The following GET4 variants were observed in gnomAD, a reference collection of about 807,000 sequenced individuals.
GET4 encodes guided entry of tail-anchored proteins factor 4, also known as Golgi to ER traffic protein 4 homolog.
GET4 carries 20 observed loss-of-function variants against 40.0 expected under a neutral mutation model. The ratio of observed to expected loss-of-function variants is 0.50; its 90% CI spans 0.35 to 0.73. The LOEUF is 0.73. Among genes scored for constraint, GET4 ranks in the 30% least tolerant of loss-of-function variants. The pLI is 0.01. For synonymous variants in GET4, 280 were observed against 194.6 expected, an observed-to-expected ratio of 1.44 and a Z score of -3.65; for missense variants, 557 against 454.0, an observed-to-expected ratio of 1.23 and a Z score of -2.06.
chr7:890,902 T>C, intron 4 of GET4, 26 bp from the exon 5 acceptor site: 3 of 1,556,444 alleles, frequency 1.9e-6, no homozygotes, highest in Non-Finnish European at 2.7e-6. Context: ...GAAATGTATT[T>C]ACATTTTTCT....
chr7:891,587 T>C (rs941323948), intron 5 of GET4, among the ~76,000 whole-genome samples: 3 of 152,178 alleles, frequency 2.0e-5, no homozygotes, highest in Admixed American at 2.0e-4. Context: ...CGCTGCCTGC[T>C]CCAGGGGCTG....
chr7:894,007 C>T, intron 8 of GET4, 36 bp downstream of exon 8: 1 of 1,459,346 alleles, frequency 6.9e-7, no homozygotes, highest in Non-Finnish European at 9.3e-7. Context: ...CCACTCCAGC[C>T]CTGGGTCGGT....
Position 876,685 on chromosome 7 carries a change from C to G in GET4, c.40C>G (p.Arg14Gly). ...GGCGATGGCCGAGCAGGAGAGCGCC[C>G]GGAACGGCGGCCGCAACCGCGGCGG... Reference protein sequence around the residue: ...AAAMAEQESARNGGRNRGGVQ... With the variant: ...AAAMAEQESAGNGGRNRGGVQ... The change falls in exon 1 of 9, where the codon CGG (arginine) becomes GGG (glycine). Residue 14 changes from arginine (R) to glycine (G), a missense_variant. Coordinates refer to ENST00000265857, the MANE Select transcript of GET4 (RefSeq NM_015949.3). 7.4e-7 allele frequency: 1 copy of G among 1,345,756 alleles called. No individual in the cohort carries two copies. Among genetic ancestry groups the G allele is most frequent in the East Asian group, 3.6e-5 (1 of 28,052 alleles). 83.4% of individuals were successfully genotyped at this position (1,345,756 alleles called of 1,614,324 possible). A position where few individuals can be genotyped will look rare whatever the true frequency, so the allele number is the denominator to read the frequency against.
chr7:876,638 C>A lies in GET4; in HGVS notation c.-8C>A, dbSNP rs921651504. 2.4e-6 allele frequency: 3 copies of A among 1,253,902 alleles called. No individual in the cohort carries two copies. Among genetic ancestry groups the A allele is most frequent in the Admixed American group, 4.5e-5 (1 of 22,050 alleles). 77.7% of individuals were successfully genotyped at this position (1,253,902 alleles called of 1,614,324 possible). ...GACAGCGTCAGCCCTGCGCGGAGCG[C>A]CGGCCCGATGGCGGCGGCGGCGGCG... On this transcript the variant is annotated 5_prime_UTR_variant, in exon 1 of 9. Transcript: ENST00000265857.
intron 8 of GET4, among the ~76,000 whole-genome samples, chr7:894,797 A>G (rs973473603): frequency 2.6e-5 from 4 of 152,162 alleles, no homozygotes; most frequent in Non-Finnish European, 4.4e-5. Context: ...TGGGTTCAGG[A>G]GACTTTTGGA....
At chr7:892,199 A>T in intron 5 of GET4, 79 bp from the exon 6 acceptor site, 1 of 1,462,060 alleles carries the variant, frequency 6.8e-7, no homozygotes, top group East Asian at 2.3e-5. Context: ...CTTGGGAAGG[A>T]CATGTCGGAG....
chr7:891,114 C>T (rs755282296), intron 5 of GET4, 48 bp downstream of exon 5: 5 of 1,510,066 alleles, frequency 3.3e-6, no homozygotes, highest in Non-Finnish European at 4.5e-6. Flanking sequence ...GCTGCCTTGG[C>T]TGGGCAGCCT....
In GET4 at chr7:895,617, A is replaced by G; in HGVS notation, c.*195A>G. 2 of 442,494 alleles carry G rather than the reference A, an allele frequency of 4.5e-6. No homozygotes were observed. The highest frequency in any genetic ancestry group is 3.8e-5 in the South Asian group (1 of 26,560). The allele number at this position is 442,494 out of a possible 1,614,324, so 27.4% of individuals were successfully genotyped here. A position where few individuals can be genotyped will look rare whatever the true frequency, so the allele number is the denominator to read the frequency against. The stretch of plus-strand genomic sequence containing the variant: ...GCTCACTGTGCTGCTGGGACCCAAG[A>G]GTGGGGCGTCGCCCCTGCTGGCCGC... On this transcript the variant is annotated 3_prime_UTR_variant, in exon 9 of 9. Transcript: ENST00000265857.
intron 6 of GET4, among the ~76,000 whole-genome samples, 199 bp from the exon 7 acceptor site, chr7:893,541 G>A (rs1268325306): frequency 7.0e-6 from 1 of 143,782 alleles, no homozygotes; most frequent in Non-Finnish European, 1.5e-5. Context: ...AGGCGTGGTG[G>A]TGTGTGCAGG....
At chr7:889,106 C>A (rs890976387) in intron 4 of GET4, among the ~76,000 whole-genome samples, 8 of 152,262 alleles carry the variant, frequency 5.3e-5, no homozygotes, top group African/African-American at 1.9e-4. Context: ...ATCTCCCCAC[C>A]CACCACGGGA....
chr7:883,360 C>T (rs559287708), intron 1 of GET4: 6 of 231,760 alleles, frequency 2.6e-5, no homozygotes, highest in Admixed American at 6.5e-5. Flanking sequence ...AGCCAGCTTC[C>T]GTCTGCCAAG....
intron 1 of GET4, chr7:878,162 G>C: frequency 2.3e-6 from 1 of 426,698 alleles, no homozygotes; most frequent in Non-Finnish European, 4.9e-6. Flanking sequence ...TAGCCTGGAG[G>C]GCGAGCGCGA....
Position 884,039 on chromosome 7 carries a change from G to A in GET4, c.156-2017G>A, listed in dbSNP as rs1216594400. 3 of 1,169,970 alleles carry A rather than the reference G, an allele frequency of 2.6e-6. No individual in the cohort carries two copies. In the Admixed American group the frequency reaches 1.1e-4, roughly 44 times the overall value. The allele number at this position is 1,169,970 out of a possible 1,614,324, so 72.5% of individuals were successfully genotyped here. A position where few individuals can be genotyped will look rare whatever the true frequency, so the allele number is the denominator to read the frequency against. ...CCGTGACCATCGGCAGTGCCCCCCA[G>A]AGCAGGCTCCTCGTGCAGGAATATG... On this transcript the variant is annotated intron_variant, in intron 1 of 8. Transcript: ENST00000265857.
At chr7:887,756 C>T (rs931489370) in intron 4 of GET4, among the ~76,000 whole-genome samples, 2 of 152,314 alleles carry the variant, frequency 1.3e-5, no homozygotes, top group East Asian at 1.9e-4. Flanking sequence ...TCCCGTGGGA[C>T]GTTCTGACCC....
chr7:895,385 A>C lies in GET4; in HGVS notation c.947A>C (p.Glu316Ala). ...TCCTCAGAGCAGGAGGATGGGGAGG[A>C]GAGCCCCAGCGACGGCAGCCCCATC... ...MGSSEQEDGEESPSDGSPIEL... is the reference protein window; with the variant it reads ...MGSSEQEDGEASPSDGSPIEL... The change falls in exon 9 of 9, where the codon GAG (glutamate) becomes GCG (alanine). Residue 316 changes from glutamate to alanine, a missense_variant. Glu to Ala is a moderately radical substitution (Grantham distance 107). Transcript: ENST00000265857. 6.3e-7 allele frequency: 1 copy of C among 1,599,334 alleles called. No homozygotes were observed. The highest frequency in any genetic ancestry group is 8.6e-7 in the Non-Finnish European group (1 of 1,168,486).
At chr7:879,039 T>G (rs568447632) in intron 1 of GET4, among the ~76,000 whole-genome samples, 212 of 152,084 alleles carry the variant, frequency 1.4e-3, no homozygotes, top group Non-Finnish European at 2.7e-3. Flanking sequence ...GCCTGGTGTG[T>G]GGGGGGATGA....
Position 892,356 on chromosome 7 carries a change from C to T in GET4, c.684C>T (p.Asp228=), listed in dbSNP as rs766332540. 4.7e-5 allele frequency: 75 copies of T among 1,595,186 alleles called. 1 individual carries two copies. The Middle Eastern group carries it at 5.2e-4, about 11-fold the overall frequency. ...TYTQKHPSIE[D]GPPFVEPLLN... ...CCCAGAAGCACCCGTCCATCGAGGA[C>T]GGGCCTCCGTTTGTGGAGCCGCTGC... The change falls in exon 6 of 9, where the codon GAC becomes GAT. Residue 228 remains aspartate, a synonymous_variant. Coordinates refer to ENST00000265857, the MANE Select transcript of GET4 (RefSeq NM_015949.3).
At chr7:879,222 C>T (rs917311016) in intron 1 of GET4, among the ~76,000 whole-genome samples, 1 of 152,252 alleles carries the variant, frequency 6.6e-6, no homozygotes, top group African/African-American at 2.4e-5. Flanking sequence ...CACCGTCTGT[C>T]ACGCCCAACC....
At position 895,795 on chromosome 7, in the gene GET4, C is replaced by T. The variant is rs538483587; in HGVS notation, c.*373C>T. On this transcript the variant is annotated 3_prime_UTR_variant, in exon 9 of 9. Coordinates refer to ENST00000265857, the MANE Select transcript of GET4 (RefSeq NM_015949.3). ...TGCGCACATCACGCTCCTTGCCGGG[C>T]GTCCGGCACAGCTGCGGTCACCAAA... The T allele has an allele frequency of 8.7e-5, 14 of 161,382 alleles. No individual in the cohort carries two copies. The highest frequency in any genetic ancestry group is 1.7e-4 in the East Asian group (1 of 5,792). The allele number at this position is 161,382 out of a possible 1,614,324, so 10.0% of individuals were successfully genotyped here.
Sources: allele counts gnomAD v4.1 joint callset (sites outside exome capture counted in the v4.1 genomes callset), GRCh38; gene constraint gnomAD v4.1.1; transcripts MANE v1.5; gene names NCBI Gene and HGNC (gene_info 2026-07-23, HGNC 2026-07-21).